Variants in PPEF1 observed in about 807,000 individuals in gnomAD.
PPEF1 encodes protein phosphatase with EF-hand domain 1.
In PPEF1, 12 loss-of-function variants were observed where a neutral mutation model predicts 53.3. The ratio of observed to expected loss-of-function variants is 0.23; its 90% CI spans 0.14 to 0.36. The LOEUF is 0.36. Ranked by LOEUF, PPEF1 falls within the 10% of genes least tolerant of loss-of-function variation. The pLI is 1.00. For missense variants in PPEF1, 334 were observed against 490.4 expected (o/e 0.68, Z 3.01); for synonymous variants, 165 against 176.7 (o/e 0.93, Z 0.52).
chrX:18,728,893 C>G (rs1199902178), intron 1 of PPEF1, among the ~76,000 whole-genome samples: 1 of 111,806 alleles, frequency 8.9e-6, no homozygotes, highest in African/African-American at 3.2e-5. Context: ...CTGGGAAAAA[C>G]GATAGCATGA....
chrX:18,740,247 T>G (rs768468079), intron 3 of PPEF1, among the ~76,000 whole-genome samples: 1 of 112,534 alleles, frequency 8.9e-6, no homozygotes, highest in South Asian at 3.7e-4. Flanking sequence ...CTGTTCCTAT[T>G]CGGCCATCTT....
intron 2 of PPEF1, among the ~76,000 whole-genome samples, chrX:18,731,275 G>A (rs894241632): frequency 3.6e-5 from 4 of 112,251 alleles, no homozygotes; most frequent in Non-Finnish European, 5.6e-5. Flanking sequence ...GTGGGTGTGG[G>A]TTGGGATGTT....
chrX:18,799,347 A>T (rs1265268242), intron 10 of PPEF1, among the ~76,000 whole-genome samples: 3 of 111,625 alleles, frequency 2.7e-5, no homozygotes, highest in Admixed American at 9.5e-5. Context: ...CGGAGGTTGC[A>T]GTGAGCTGAG....
chrX:18,782,167 G>A (rs1022792068), intron 7 of PPEF1, among the ~76,000 whole-genome samples, 199 bp from the exon 8 acceptor site: 12 of 111,485 alleles, frequency 1.1e-4, no homozygotes, highest in African/African-American at 3.9e-4. Flanking sequence ...CTCCTTGAGG[G>A]TAGGGATGAT....
intron 4 of PPEF1, among the ~76,000 whole-genome samples, chrX:18,696,899 G>A (rs1448124946): frequency 1.8e-5 from 2 of 112,148 alleles, no homozygotes; most frequent in African/African-American, 6.5e-5. Context: ...ACATGCCGCT[G>A]TTTTCTTAGT....
upstream of PPEF1, among the ~76,000 whole-genome samples, chrX:18,680,089 C>CAA (rs756924550): frequency 6.0e-3 from 316 of 52,948 alleles, 3 homozygotes; most frequent in African/African-American, 0.02. Context: ...ACCCTGTCCT[C>CAA]AAAAAAAAAA....
chrX:18,699,904 C>T (rs1482730440), intron 5 of PPEF1: 1 of 112,938 alleles, frequency 8.9e-6, no homozygotes, highest in African/African-American at 3.2e-5. Flanking sequence ...GAGTGCTTTT[C>T]TGCTCTTATT....
intron 14 of PPEF1, among the ~76,000 whole-genome samples, chrX:18,824,741 G>T (rs1421392735): frequency 9.1e-6 from 1 of 109,668 alleles, no homozygotes; most frequent in Admixed American, 9.8e-5. Context: ...TCGGCTCACT[G>T]CAACCTCTGC....
At chrX:18,752,401 TA>T (rs374048355) in intron 4 of PPEF1, among the ~76,000 whole-genome samples, 23 of 111,310 alleles carry the variant, frequency 2.1e-4, no homozygotes, top group African/African-American at 7.2e-4. Flanking sequence ...GTGTGTGGTG[TA>T]TTCTTTTGAA....
At chrX:18,731,157 A>G (rs2044829706) in intron 2 of PPEF1, among the ~76,000 whole-genome samples, 1 of 112,652 alleles carries the variant, frequency 8.9e-6, no homozygotes, top group Non-Finnish European at 1.9e-5. Context: ...CAATATGTAG[A>G]GTTTATCTCA....
At chrX:18,802,523 G>A (rs776049601) in intron 10 of PPEF1, among the ~76,000 whole-genome samples, 9 of 111,763 alleles carry the variant, frequency 8.1e-5, no homozygotes, top group Non-Finnish European at 1.5e-4. Context: ...AATGTATTGC[G>A]GAAACTGAGA....
At position 18,825,365 on chromosome X, in the gene PPEF1, C is replaced by T. The variant is rs766086199; in HGVS notation, c.1666-386C>T. On this transcript the variant is annotated intron_variant, in intron 14 of 15. Transcript: ENST00000470157. ...ATCACAGGCCTTGGCTTCAGGCAGC[C>T]GAGATTTAAATCCCACTCACCAGCT... is the stretch of plus-strand genomic sequence containing the variant. Among the ~76,000 whole-genome samples the T allele has an allele frequency of 1.2e-4, 13 of 111,817 alleles. No individual in the cohort carries two copies. The South Asian group carries it at 4.1e-3, about 36-fold the overall frequency.
intron 6 of PPEF1, among the ~76,000 whole-genome samples, chrX:18,702,061 C>G (rs1337759427): frequency 8.9e-6 from 1 of 112,115 alleles, no homozygotes; most frequent in East Asian, 2.8e-4. Context: ...AATTGCTCCA[C>G]TGTTCTACTG....
At chrX:18,793,806 T>A (rs2046370902) in intron 10 of PPEF1, among the ~76,000 whole-genome samples, 1 of 109,209 alleles carries the variant, frequency 9.2e-6, no homozygotes, top group African/African-American at 3.3e-5. Flanking sequence ...TTGTTGTTAT[T>A]TGCTTTTTTG....
At chrX:18,719,933 T>C (rs771918133) in intron 1 of PPEF1, among the ~76,000 whole-genome samples, 1 of 112,032 alleles carries the variant, frequency 8.9e-6, no homozygotes, top group South Asian at 3.7e-4. Context: ...CAAACACTTC[T>C]ACAGTAGAGA....
chrX:18,732,965 A>T lies in PPEF1; in HGVS notation c.175-783A>T, dbSNP rs910754922. Among the ~76,000 whole-genome samples the T allele has an allele frequency of 3.6e-5, 4 of 112,045 alleles. No individual in the cohort carries two copies. In the East Asian group the frequency reaches 1.1e-3, roughly 31 times the overall value. On this transcript the variant is annotated intron_variant, in intron 2 of 15. Transcript: ENST00000470157. ...ACACCTGTAATCCTAGCACTTTGGG[A>T]GGCCGAGGCAGGTGGATCACCTGAG...
At chrX:18,702,197 C>A (rs1157933437) in intron 6 of PPEF1, among the ~76,000 whole-genome samples, 1 of 111,173 alleles carries the variant, frequency 9.0e-6, no homozygotes, top group African/African-American at 3.3e-5. Context: ...GCAATGAATA[C>A]CAAGCAGAAT....
chrX:18,686,157 G>A (rs1297374380), exon 3 of PPEF1: 1 of 111,853 alleles, frequency 8.9e-6, no homozygotes, highest in Non-Finnish European at 1.9e-5. Flanking sequence ...GAATCTTGTA[G>A]TTGCCTGTGG....
chrX:18,824,332 C>G (rs938951238), intron 14 of PPEF1, among the ~76,000 whole-genome samples: 1 of 110,733 alleles, frequency 9.0e-6, no homozygotes, highest in African/African-American at 3.3e-5. Flanking sequence ...CCCAGCTACT[C>G]AAGAGGCTGA....
Sources: allele counts gnomAD v4.1 joint callset (sites outside exome capture counted in the v4.1 genomes callset), GRCh38; gene constraint gnomAD v4.1.1; transcripts MANE v1.5; gene names NCBI Gene and HGNC (gene_info 2026-07-23, HGNC 2026-07-21).